The following HECW2 variants were observed in gnomAD, a reference collection of about 807,000 sequenced individuals.
HECW2 encodes HECT, C2 and WW domain containing E3 ubiquitin protein ligase 2.
In HECW2, 61 loss-of-function variants were observed where a neutral mutation model predicts 175.2. The ratio of observed to expected loss-of-function variants is 0.35; its 90% CI spans 0.28 to 0.43. HECW2 has a LOEUF of 0.43. HECW2 is among the 20% of genes least tolerant of loss of function. The probability of loss-of-function intolerance (pLI) is 1.00; values close to 1 mark genes in which losing one functional copy is unlikely to be tolerated. For missense variants in HECW2, 1,524 were observed against 2,000.5 expected (o/e 0.76, Z 4.54); for synonymous variants, 671 against 731.0 (o/e 0.92, Z 1.32).
chr2:196,467,036 A>G (rs1206852286), intron 1 of HECW2, among the ~76,000 whole-genome samples: 1 of 152,004 alleles, frequency 6.6e-6, no homozygotes, highest in African/African-American at 2.4e-5. Context: ...GTAACCCTGA[A>G]CCTCCTGCTA....
intron 1 of HECW2, among the ~76,000 whole-genome samples, chr2:196,497,558 A>G (rs1687439308): frequency 6.6e-6 from 1 of 152,170 alleles, no homozygotes; most frequent in Non-Finnish European, 1.5e-5. Context: ...AGGCCTTAGC[A>G]ACAGCCTTAG....
chr2:196,454,628 C>A (rs2125313620), intron 1 of HECW2, among the ~76,000 whole-genome samples: 1 of 152,320 alleles, frequency 6.6e-6, no homozygotes, highest in Non-Finnish European at 1.5e-5. Context: ...TAAGCATTCC[C>A]ATATCTGCAG....
At chr2:196,293,130 T>G (rs934380527) in intron 13 of HECW2, among the ~76,000 whole-genome samples, 1 of 152,202 alleles carries the variant, frequency 6.6e-6, no homozygotes, top group Non-Finnish European at 1.5e-5. Flanking sequence ...ATTAGCTATT[T>G]TTCCCTAATT....
rs1469739837 is a variant in HECW2, at chr2:196,198,958, A to G, written c.*2319T>C. ...ACATTAAAGTGTACTGTTATTTGGG[A>G]AAAAGTTGGATGCCTTAATAAAGAA... On this transcript the variant is annotated 3_prime_UTR_variant, in exon 29 of 29. Transcript: ENST00000644978. The G allele has an allele frequency of 2.6e-5, 4 of 152,212 alleles. No individual in the cohort carries two copies. Among genetic ancestry groups the G allele is most frequent in the East Asian group, 1.9e-4 (1 of 5,204 alleles). The allele number at this position is 152,212 out of a possible 1,614,324, so 9.4% of individuals were successfully genotyped here. A position where few individuals can be genotyped will look rare whatever the true frequency, so the allele number is the denominator to read the frequency against.
intron 2 of HECW2, among the ~76,000 whole-genome samples, chr2:196,355,345 T>C (rs562423753): frequency 4.6e-5 from 7 of 152,306 alleles, no homozygotes; most frequent in African/African-American, 1.7e-4. Context: ...CCGAACCCTT[T>C]TAAATGGTGA....
chr2:196,354,895 C>G (rs1693307544), intron 2 of HECW2, among the ~76,000 whole-genome samples: 1 of 152,168 alleles, frequency 6.6e-6, no homozygotes, highest in African/African-American at 2.4e-5. Flanking sequence ...GATCACATAA[C>G]CAGTTTCGAG....
intron 1 of HECW2, among the ~76,000 whole-genome samples, chr2:196,502,800 A>G (rs1175746066): frequency 6.6e-6 from 1 of 152,182 alleles, no homozygotes; most frequent in Non-Finnish European, 1.5e-5. Flanking sequence ...GCTCTTCCCA[A>G]TACCACCAGG....
intron 2 of HECW2, among the ~76,000 whole-genome samples, chr2:196,401,405 T>A (rs889626366): frequency 2.0e-5 from 3 of 152,230 alleles, no homozygotes; most frequent in Admixed American, 6.5e-5. Context: ...CTTGTGCATA[T>A]GTGTTTCTCT....
intron 1 of HECW2, among the ~76,000 whole-genome samples, chr2:196,555,459 G>C (rs1689761891): frequency 6.6e-6 from 1 of 152,170 alleles, no homozygotes; most frequent in Non-Finnish European, 1.5e-5. Context: ...TTGCAGGTTA[G>C]ATTTCAACAT....
intron 2 of HECW2, among the ~76,000 whole-genome samples, chr2:196,389,914 G>A (rs1305178672): frequency 6.6e-6 from 1 of 152,020 alleles, no homozygotes; most frequent in African/African-American, 2.4e-5. Flanking sequence ...GCCACTGGAT[G>A]GACACTACAA....
intron 2 of HECW2, among the ~76,000 whole-genome samples, chr2:196,378,358 G>C (rs569979099): frequency 2.0e-5 from 3 of 152,288 alleles, no homozygotes; most frequent in African/African-American, 7.2e-5. Context: ...TACCTACAGA[G>C]AGAATAAGTG....
intron 1 of HECW2, among the ~76,000 whole-genome samples, chr2:196,546,466 T>C (rs1217204280): frequency 6.6e-6 from 1 of 152,192 alleles, no homozygotes; most frequent in African/African-American, 2.4e-5. Flanking sequence ...TTTTATGTCA[T>C]TGTTTGGTTT....
At chr2:196,301,772 T>G (rs1161670679) in intron 13 of HECW2, among the ~76,000 whole-genome samples, 3 of 151,726 alleles carry the variant, frequency 2.0e-5, no homozygotes, top group Non-Finnish European at 4.4e-5. Flanking sequence ...CTTTGTAGAC[T>G]CTGGACATTA....
intron 3 of HECW2, among the ~76,000 whole-genome samples, chr2:196,338,916 T>C (rs1217286963): frequency 6.6e-6 from 1 of 152,346 alleles, no homozygotes; most frequent in Non-Finnish European, 1.5e-5. Flanking sequence ...TTTACCCACA[T>C]GCCAGTGACA....
chr2:196,353,170 C>T (rs114435208), intron 2 of HECW2, among the ~76,000 whole-genome samples: 66 of 152,266 alleles, frequency 4.3e-4, no homozygotes, highest in African/African-American at 1.6e-3. Flanking sequence ...CAGGATTTGG[C>T]TCCAGGGACA....
At chr2:196,474,313 T>C (rs540924722) in intron 1 of HECW2, among the ~76,000 whole-genome samples, 1 of 152,280 alleles carries the variant, frequency 6.6e-6, no homozygotes, top group East Asian at 1.9e-4. Flanking sequence ...AATTTAACAA[T>C]GAGCAGATAA....
intron 2 of HECW2, among the ~76,000 whole-genome samples, chr2:196,361,136 T>G (rs1693573422): frequency 6.6e-6 from 1 of 152,222 alleles, no homozygotes; most frequent in South Asian, 2.1e-4. Context: ...AATTTTGCCC[T>G]GGAGTTGTTC....
intron 28 of HECW2, among the ~76,000 whole-genome samples, chr2:196,209,931 C>T (rs550812376): frequency 6.8e-4 from 104 of 152,014 alleles, no homozygotes; most frequent in African/African-American, 2.3e-3. Flanking sequence ...GCCCGGCCAA[C>T]TTTTTGTATT....
In HECW2 at chr2:196,523,685, AG is replaced by A. The variant is rs1290015528; in HGVS notation, c.-36+69822del. ...AATTTATTGAGAGTTTTTAGCATGA[AG>A]GGTTGTTGAATTTTGTCAAAGGCTT... On this transcript the variant is annotated intron_variant, in intron 1 of 28. Transcript: ENST00000644978. 2.0e-5 allele frequency among the ~76,000 whole-genome samples: 3 copies of A among 151,312 alleles called. No homozygotes were observed. In the East Asian group the frequency reaches 5.8e-4, roughly 29 times the overall value.
Sources: gnomAD v4.1 joint callset for allele counts (sites outside exome capture counted in the v4.1 genomes callset) on GRCh38, gnomAD v4.1.1 for gene constraint, MANE v1.5 for transcripts, NCBI Gene and HGNC (gene_info 2026-07-23, HGNC 2026-07-21) for gene names.